The following KCNQ1 variants were observed in gnomAD, a reference collection of about 807,000 sequenced individuals.
The protein encoded by KCNQ1 is potassium voltage-gated channel subfamily KQT member 1.
A neutral mutation model predicts 72.4 loss-of-function variants in KCNQ1; 49 were observed. The ratio of observed to expected loss-of-function variants is 0.68; its 90% confidence interval spans 0.54 to 0.86. The LOEUF (loss-of-function observed/expected upper bound fraction) is 0.86. Ranked by LOEUF, KCNQ1 falls within the 40% of genes least tolerant of loss-of-function variation. The pLI, the probability that KCNQ1 is intolerant of heterozygous loss-of-function variation, is 0.00. For missense variants in KCNQ1, 790 were observed against 945.1 expected (o/e 0.84, Z 2.15); for synonymous variants, 450 against 412.6 (o/e 1.09, Z -1.10).
chr11:2,787,036 C>A lies in KCNQ1; in HGVS notation c.1794+8999C>A, dbSNP rs1846928685. ...AAGTCTGGTGTGAAGTTGGGGTCCTCAGGGAGGAATCATGTTTACCCCTTC... is the reference window on the plus strand; with the variant it reads ...AAGTCTGGTGTGAAGTTGGGGTCCTAAGGGAGGAATCATGTTTACCCCTTC... On this transcript the variant is annotated intron_variant, in intron 15 of 15. Transcript: ENST00000155840. The surrounding 1 kb of genome is among the most constrained non-coding windows in gnomAD (Gnocchi z 6.3). Among the ~76,000 whole-genome samples the A allele has an allele frequency of 6.7e-6, 1 of 149,844 alleles. No homozygotes were observed.
intron 10 of KCNQ1, among the ~76,000 whole-genome samples, chr11:2,589,279 G>A (rs1848639495): frequency 6.6e-6 from 1 of 152,216 alleles, no homozygotes; most frequent in Non-Finnish European, 1.5e-5. Flanking sequence ...AGCAGCACCA[G>A]GCCCGGGTAA....
intron 10 of KCNQ1, chr11:2,649,614 T>A (rs1485015546): frequency 2.5e-6 from 1 of 398,496 alleles, no homozygotes; most frequent in East Asian, 3.6e-5. Context: ...CTTGCAGCAC[T>A]TTTAATATGG....
At chr11:2,788,022 CA>C (rs1399190338) in intron 15 of KCNQ1, among the ~76,000 whole-genome samples, 1 of 152,142 alleles carries the variant, frequency 6.6e-6, no homozygotes, top group East Asian at 1.9e-4. Flanking sequence ...GTGGCTCCCC[CA>C]ACGTTTACCC....
chr11:2,553,970 A>C (rs1394611086), intron 2 of KCNQ1, among the ~76,000 whole-genome samples: 5 of 152,114 alleles, frequency 3.3e-5, no homozygotes, highest in African/African-American at 1.2e-4. Flanking sequence ...GCCCGCCTTG[A>C]CCTTCCAAAG....
At chr11:2,517,377 T>C (rs1847305324) in intron 1 of KCNQ1, among the ~76,000 whole-genome samples, 2 of 152,130 alleles carry the variant, frequency 1.3e-5, no homozygotes, top group South Asian at 4.1e-4. Context: ...GTGGGAGACA[T>C]GGCATTCTGT....
intron 10 of KCNQ1, chr11:2,636,580 G>T (rs1448779240): frequency 6.6e-6 from 1 of 151,876 alleles, no homozygotes; most frequent in African/African-American, 2.4e-5. Flanking sequence ...TGCTGGATTC[G>T]GTTTGCCAGT....
In KCNQ1 at chr11:2,527,975, T is replaced by C; in HGVS notation, c.434T>C (p.Ile145Thr). 6.2e-7 allele frequency: 1 copy of C among 1,614,086 alleles called. No individual in the cohort carries two copies. The highest frequency in any genetic ancestry group is 8.5e-7 in the Non-Finnish European group (1 of 1,180,006). ...VCLIFSVLST[I>T]EQYAALATGT... ...CTCATCTTCAGCGTGCTGTCCACCATCGAGCAGTATGCCGCCCTGGCCACG... is the reference window on the plus strand; with the variant it reads ...CTCATCTTCAGCGTGCTGTCCACCACCGAGCAGTATGCCGCCCTGGCCACG... The change falls in exon 2 of 16, where the codon ATC (isoleucine) becomes ACC (threonine). Residue 145 changes from isoleucine (I) to threonine (T), a missense_variant. Ile to Thr is a moderately conservative substitution (Grantham distance 89, BLOSUM62 -1). This residue lies in a region of KCNQ1 where 294 missense variants were observed against 323.3 expected (regional missense o/e 0.91). Coordinates refer to ENST00000155840, the MANE Select transcript of KCNQ1 (RefSeq NM_000218.3).
In KCNQ1 at chr11:2,486,967, GC is replaced by G. The variant is rs879483106; in HGVS notation, c.387-40960del. 6.6e-6 allele frequency among the ~76,000 whole-genome samples: 1 copy of G among 152,168 alleles called. No individual in the cohort carries two copies. Among genetic ancestry groups the G allele is most frequent in the African/African-American group, 2.4e-5 (1 of 41,434 alleles). On this transcript the variant is annotated intron_variant, in intron 1 of 15. Transcript: ENST00000155840. This position sits in a 1 kb window ranked among gnomAD's most constrained non-coding sequence, Gnocchi z 5.0. ...TCATAGCCAAATCCAATGTCATGAA[GC>G]TTTTGCCCTATGTTTTCTTCTAAGA...
At chr11:2,594,954 G>C (rs1231219477) in intron 10 of KCNQ1, among the ~76,000 whole-genome samples, 1 of 152,144 alleles carries the variant, frequency 6.6e-6, no homozygotes, top group East Asian at 1.9e-4. Context: ...TTGTGTGGTG[G>C]ATGTTTTTGT....
chr11:2,754,854 G>A (rs1025040557), intron 11 of KCNQ1, among the ~76,000 whole-genome samples: 7 of 152,158 alleles, frequency 4.6e-5, no homozygotes, highest in Admixed American at 3.9e-4. Flanking sequence ...TGGTCAATTC[G>A]ATTTTACAAA....
intron 14 of KCNQ1, 21 bp downstream of exon 14, chr11:2,777,053 C>T (rs753675347): frequency 1.2e-6 from 2 of 1,613,586 alleles, no homozygotes; most frequent in South Asian, 2.2e-5. Context: ...GTGTCAGTTA[C>T]TCTGGGCCCA....
Position 2,715,635 on chromosome 11 carries a change from C to T in KCNQ1, c.1515-53209C>T, listed in dbSNP as rs1046183914. 2.0e-5 allele frequency among the ~76,000 whole-genome samples: 3 copies of T among 152,172 alleles called. No individual in the cohort carries two copies. The highest frequency in any genetic ancestry group is 2.0e-4 in the Admixed American group (3 of 15,290). On this transcript the variant is annotated intron_variant, in intron 11 of 15. Coordinates refer to ENST00000155840, the MANE Select transcript of KCNQ1 (RefSeq NM_000218.3). The surrounding 1 kb of genome is among the most constrained non-coding windows in gnomAD (Gnocchi z 4.9). ...TCCAAGCCCCTGCCAGCCTTGGAAC[C>T]TGTGACTCCCCAGGTGGTCAAACAC...
At chr11:2,753,360 G>C (rs1162623372) in intron 11 of KCNQ1, among the ~76,000 whole-genome samples, 2 of 152,200 alleles carry the variant, frequency 1.3e-5, no homozygotes. Context: ...AGGGAGGCCA[G>C]CTTCAGCTGC....
chr11:2,737,190 A>G (rs1845972435), intron 11 of KCNQ1, among the ~76,000 whole-genome samples: 1 of 152,176 alleles, frequency 6.6e-6, no homozygotes, highest in African/African-American at 2.4e-5. Context: ...AGTGTATTCC[A>G]CAGGGTAAGC....
At chr11:2,577,560 C>T (rs4930128) in intron 6 of KCNQ1, among the ~76,000 whole-genome samples, 51,567 of 152,128 alleles carry the variant, frequency 0.34, 10,863 homozygotes, top group East Asian at 0.69. Context: ...CTCCATGTGA[C>T]GGGGAGGCCT....
rs1848978422 is a variant in KCNQ1 at position 2,611,420 on chromosome 11, C to A, written c.1393+22566C>A. 1 of 397,736 alleles carries A rather than the reference C, an allele frequency of 2.5e-6. No homozygotes were observed. 24.6% of individuals were successfully genotyped at this position (397,736 alleles called of 1,614,324 possible). ...AGAGACAGAGTTTCACCATGTTGAC[C>A]AGGCTGGTCTTGAACTCCTGACCTC... On this transcript the variant is annotated intron_variant, in intron 10 of 15. Transcript: ENST00000155840. The surrounding 1 kb of genome is among the most constrained non-coding windows in gnomAD (Gnocchi z 5.3).
chr11:2,509,461 T>A lies in KCNQ1; in HGVS notation c.387-18467T>A, dbSNP rs1589919447. Among the ~76,000 whole-genome samples, 1 of 149,890 alleles carries A rather than the reference T, an allele frequency of 6.7e-6. No homozygotes were observed. Among genetic ancestry groups the A allele is most frequent in the East Asian group, 2.0e-4 (1 of 5,058 alleles). ...GGCTGGGTCTGTGCTGTGTGGGGGG[T>A]GTTTGGTGTCCTAGGAGGAGTCTCT... On this transcript the variant is annotated intron_variant, in intron 1 of 15. Coordinates refer to ENST00000155840, the MANE Select transcript of KCNQ1 (RefSeq NM_000218.3). This position sits in a 1 kb window ranked among gnomAD's most constrained non-coding sequence, Gnocchi z 6.3.
Position 2,617,976 on chromosome 11 carries a change from C to A in KCNQ1, c.1393+29122C>A, listed in dbSNP as rs1589984275. The A allele has an allele frequency of 5.0e-6, 2 of 398,406 alleles. No individual in the cohort carries two copies. The highest frequency in any genetic ancestry group is 3.6e-5 in the East Asian group (1 of 28,078). The allele number at this position is 398,406 out of a possible 1,614,324, so 24.7% of individuals were successfully genotyped here. A position where few individuals can be genotyped will look rare whatever the true frequency, so the allele number is the denominator to read the frequency against. ...TGGTTGGCAAATATTTTCTTCTAGT[C>A]CATAGGTTGCCTTTTCCTTTTGTTG... On this transcript the variant is annotated intron_variant, in intron 10 of 15. Transcript: ENST00000155840. The surrounding 1 kb of genome is among the most constrained non-coding windows in gnomAD (Gnocchi z 4.6).
chr11:2,716,580 C>G (rs907201522), intron 11 of KCNQ1, among the ~76,000 whole-genome samples: 1 of 152,248 alleles, frequency 6.6e-6, no homozygotes, highest in Non-Finnish European at 1.5e-5. Flanking sequence ...TTAGGACACG[C>G]AGCTTCAGTT....
Sources: allele counts gnomAD v4.1 joint callset (sites outside exome capture counted in the v4.1 genomes callset), GRCh38; gene constraint gnomAD v4.1.1; regional missense constraint gnomAD v4.1.1; non-coding constraint Gnocchi (gnomAD v3.1); transcripts MANE v1.5; gene names NCBI Gene and HGNC (gene_info 2026-07-23, HGNC 2026-07-21).